YTHDF2: variants seen among roughly 807,000 people sequenced by gnomAD.
The protein encoded by YTHDF2 is YTH domain-containing family protein 2.
Under a neutral mutation model 50.4 loss-of-function variants are expected in YTHDF2, and 2 were observed. The ratio of observed to expected loss-of-function variants is 0.04; its 90% confidence interval spans 0.02 to 0.12. The LOEUF is 0.12. YTHDF2 is among the 10% of genes least tolerant of loss of function. YTHDF2 has a pLI of 1.00. For missense variants in YTHDF2, 483 were observed against 722.6 expected (o/e 0.67, Z 3.80); for synonymous variants, 217 against 255.6 (o/e 0.85, Z 1.44).
In YTHDF2 at chr1:28,736,999, C is replaced by G; in HGVS notation, c.-122C>G. ...GCGCGCTGTGTCTCCGCTGCGTCCGCCGAGGCCCCCGAGTGTCAGGGACAA... is the reference window on the plus strand; with the variant it reads ...GCGCGCTGTGTCTCCGCTGCGTCCGGCGAGGCCCCCGAGTGTCAGGGACAA... On this transcript the variant is annotated 5_prime_UTR_variant, in exon 1 of 5. Coordinates refer to ENST00000373812, the MANE Select transcript of YTHDF2 (RefSeq NM_016258.3). The G allele has an allele frequency of 7.8e-7, 1 of 1,288,020 alleles. No individual in the cohort carries two copies. Among genetic ancestry groups the G allele is most frequent in the Non-Finnish European group, 1.1e-6 (1 of 935,962 alleles). 79.8% of individuals were successfully genotyped at this position (1,288,020 alleles called of 1,614,324 possible).
At chr1:28,749,805 T>C (rs2087921935) in intron 4 of YTHDF2, among the ~76,000 whole-genome samples, 1 of 152,024 alleles carries the variant, frequency 6.6e-6, no homozygotes, top group Middle Eastern at 3.2e-3. Flanking sequence ...TTTTTCTGAA[T>C]AACTGCAGAG....
intron 4 of YTHDF2, among the ~76,000 whole-genome samples, chr1:28,760,270 GTTGT>G (rs1369301513): frequency 2.8e-5 from 3 of 108,702 alleles, no homozygotes; most frequent in Non-Finnish European, 5.3e-5. Context: ...AACATAGTAG[GTTGT>G]GTGTGTGTGT....
chr1:28,742,505 G>A lies in YTHDF2; in HGVS notation c.235G>A (p.Gly79Ser). 2 of 1,613,950 alleles carry A rather than the reference G, an allele frequency of 1.2e-6. No individual in the cohort carries two copies. The highest frequency in any genetic ancestry group is 1.7e-6 in the Non-Finnish European group (2 of 1,180,014). ...SLGEAAWSTG[G>S]DTAMPYLTSY... is the part of the protein sequence containing the mutation. ...GGGTGAAGCTGCTTGGTCTACGGGG[G>A]GTGACACAGCCATGCCCTACTTAAC... The change falls in exon 4 of 5, where the codon GGT becomes AGT. Residue 79 changes from glycine (G) to serine (S), a missense_variant. Physicochemically the swap from Gly to Ser is moderately conservative, Grantham distance 56. Transcript: ENST00000373812.
intron 4 of YTHDF2, among the ~76,000 whole-genome samples, chr1:28,754,093 T>C (rs1448350957): frequency 1.3e-5 from 2 of 152,206 alleles, no homozygotes; most frequent in Non-Finnish European, 2.9e-5. Flanking sequence ...ATGGGAAGGA[T>C]GAAACACTTA....
chr1:28,743,349 G>A lies in YTHDF2; in HGVS notation c.1079G>A (p.Gly360Glu). 6.2e-7 allele frequency: 1 copy of A among 1,614,150 alleles called. No individual in the cohort carries two copies. Among genetic ancestry groups the A allele is most frequent in the Non-Finnish European group, 8.5e-7 (1 of 1,180,036 alleles). ...RWVAPRNRGS[G>E]FGHNGVDGNG... is the part of the protein sequence containing the mutation. ...GTAGCACCTCGGAACCGTGGCAGTG[G>A]GTTCGGTCATAATGGGGTGGATGGT... is the stretch of plus-strand genomic sequence containing the variant. Residue 360 changes from glycine (G) to glutamate (E), a missense_variant, in exon 4 of 5, where the codon GGG (glycine) becomes GAG (glutamate). Physicochemically the swap from Gly to Glu is moderately conservative, Grantham distance 98. Transcript: ENST00000373812. The surrounding 1 kb of genome is among the most constrained non-coding windows in gnomAD (Gnocchi z 6.9).
At chr1:28,749,986 GTTTTTT>G (rs371730633) in intron 4 of YTHDF2, among the ~76,000 whole-genome samples, 1 of 78,332 alleles carries the variant, frequency 1.3e-5, no homozygotes, top group African/African-American at 5.3e-5. Flanking sequence ...AAAAAAGGTT[GTTTTTT>G]TTTTTTTTTT....
At chr1:28,746,712 A>C (rs181196672) in intron 4 of YTHDF2, among the ~76,000 whole-genome samples, 1 of 151,922 alleles carries the variant, frequency 6.6e-6, no homozygotes, top group Non-Finnish European at 1.5e-5. Context: ...GTGAGCTGAG[A>C]TCCTGCCACT....
rs1486853365 is a variant in YTHDF2 at position 28,743,668 on chromosome 1, C to T, written c.1398C>T (p.His466=). 1.2e-6 allele frequency: 2 copies of T among 1,614,106 alleles called. No individual in the cohort carries two copies. The highest frequency in any genetic ancestry group is 1.7e-6 in the Non-Finnish European group (2 of 1,180,060). The change falls in exon 4 of 5, where the codon CAC becomes CAT. Residue 466 remains histidine, a synonymous_variant. Coordinates refer to ENST00000373812, the MANE Select transcript of YTHDF2 (RefSeq NM_016258.3). The surrounding 1 kb of genome is among the most constrained non-coding windows in gnomAD (Gnocchi z 6.9). ...YLLFSVNGSG[H]FCGVAEMKSA... is the part of the protein sequence containing the mutation. ...TTTTCAGTGTCAACGGCAGTGGACA[C>T]TTCTGTGGCGTGGCAGAAATGAAAT...
In YTHDF2 at chr1:28,758,331, A is replaced by C. The variant is rs577785062; in HGVS notation, c.1717-10598A>C. On this transcript the variant is annotated intron_variant, in intron 4 of 4. Transcript: ENST00000373812. ...CAGTGAACTAGGATCATATTACTGC[A>C]CCCTAGTGTGGGCAACAGAGTGAGA... 9.2e-5 allele frequency among the ~76,000 whole-genome samples: 14 copies of C among 152,186 alleles called. No individual in the cohort carries two copies. The East Asian group carries it at 2.5e-3, about 27-fold the overall frequency.
At chr1:28,764,638 A>AC (rs1274622801) in intron 4 of YTHDF2, among the ~76,000 whole-genome samples, 18 of 151,114 alleles carry the variant, frequency 1.2e-4, no homozygotes, top group Middle Eastern at 6.8e-3. Context: ...TGAACTCCTG[A>AC]CCTCGTGATC....
intron 2 of YTHDF2, 37 bp downstream of exon 2, chr1:28,737,719 G>T (rs1479965567): frequency 1.9e-6 from 3 of 1,610,594 alleles, no homozygotes; most frequent in African/African-American, 2.7e-5. Flanking sequence ...GAGCCGGGAG[G>T]GGGACGCGGG....
At chr1:28,764,656 C>G (rs1220108037) in intron 4 of YTHDF2, among the ~76,000 whole-genome samples, 1 of 147,076 alleles carries the variant, frequency 6.8e-6, no homozygotes, top group African/African-American at 2.5e-5. Flanking sequence ...ATCCACCCAC[C>G]TCGGCCTCCC....
intron 1 of YTHDF2, 179 bp from the exon 2 acceptor site, chr1:28,737,479 C>G: frequency 4.7e-6 from 4 of 848,284 alleles, no homozygotes; most frequent in Non-Finnish European, 7.1e-6. Flanking sequence ...CTCCCCTGCC[C>G]CACGGGCCTG....
At chr1:28,750,435 G>A (rs538254242) in intron 4 of YTHDF2, among the ~76,000 whole-genome samples, 1 of 152,304 alleles carries the variant, frequency 6.6e-6, no homozygotes, top group South Asian at 2.1e-4. Flanking sequence ...TAAAAGAGAT[G>A]TTATAGAAAC....
At chr1:28,754,963 CAAAAAAAAAA>C (rs58411768) in intron 4 of YTHDF2, among the ~76,000 whole-genome samples, 16 of 81,466 alleles carry the variant, frequency 2.0e-4, no homozygotes, top group African/African-American at 7.3e-4. Context: ...GGTGACAGCT[CAAAAAAAAAA>C]AAAAAAAAAA....
Position 28,738,256 on chromosome 1 carries a change from T to A in YTHDF2, c.53-3T>A, listed in dbSNP as rs2087725042. On this transcript the variant is annotated splice_region_variant and splice_polypyrimidine_tract_variant and intron_variant, in intron 2 of 4. Transcript: ENST00000373812. ...ACTCCTAATTGAATTTTTTTTTCTT[T>A]AGTACAAAATGGATCTGTACATCAA... 1.2e-6 allele frequency: 2 copies of A among 1,612,564 alleles called. No homozygotes were observed. The highest frequency in any genetic ancestry group is 1.3e-5 in the African/African-American group (1 of 74,888).
intron 4 of YTHDF2, among the ~76,000 whole-genome samples, chr1:28,767,435 T>C (rs752763118): frequency 2.6e-5 from 4 of 152,186 alleles, no homozygotes; most frequent in Non-Finnish European, 4.4e-5. Flanking sequence ...ACAAATAATT[T>C]ATTGTCTGTA....
intron 4 of YTHDF2, among the ~76,000 whole-genome samples, chr1:28,766,778 AAGG>A (rs1226476832): frequency 6.6e-6 from 1 of 151,844 alleles, no homozygotes; most frequent in African/African-American, 2.4e-5. Flanking sequence ...GTCCTTCAAG[AAGG>A]AGCCTACTGA....
chr1:28,742,642 C>T lies in YTHDF2; in HGVS notation c.372C>T (p.Phe124=). 6.2e-7 allele frequency: 1 copy of T among 1,614,108 alleles called. No individual in the cohort carries two copies. The highest frequency in any genetic ancestry group is 8.5e-7 in the Non-Finnish European group (1 of 1,180,000). Residue 124 remains phenylalanine (F), a synonymous_variant, in exon 4 of 5, where the codon TTC becomes TTT. Transcript: ENST00000373812. ...TPFLGQHGFN[F]FPSGIDFSAW... is the part of the protein sequence containing the mutation. Reference sequence around the variant, plus strand: ...TTCTTGGTCAGCATGGTTTTAATTTCTTTCCCAGTGGGATTGACTTCTCAG... The same window carrying T: ...TTCTTGGTCAGCATGGTTTTAATTTTTTTCCCAGTGGGATTGACTTCTCAG...
Sources: allele counts gnomAD v4.1 joint callset (sites outside exome capture counted in the v4.1 genomes callset), GRCh38; gene constraint gnomAD v4.1.1; non-coding constraint Gnocchi (gnomAD v3.1); transcripts MANE v1.5; gene names NCBI Gene and HGNC (gene_info 2026-07-23, HGNC 2026-07-21).